Variants in QTGAL observed in about 807,000 individuals in gnomAD.
QTGAL encodes queuosine-tRNA galactosyltransferase, also known as BGnT-like protein 1.
At chr17:82,972,693 A>G in the QTGAL span, among the ~76,000 whole-genome samples, 1 of 124,352 alleles carries the variant, frequency 8.0e-6, no homozygotes. Context: ...TGACCACACC[A>G]CACCACAGGG....
At chr17:82,952,876 A>G in the QTGAL span, among the ~76,000 whole-genome samples, 10 of 152,260 alleles carry the variant, frequency 6.6e-5, no homozygotes, top group African/African-American at 2.2e-4. Flanking sequence ...TCGAATTAGA[A>G]CTCAGGATTA....
chr17:83,032,242 A>AC, the QTGAL span, among the ~76,000 whole-genome samples: 5 of 62,612 alleles, frequency 8.0e-5, 1 homozygote, highest in South Asian at 4.5e-4. Context: ...GAGCTGAACA[A>AC]CGGGTCAGAC....
At chr17:82,988,438 T>C in the QTGAL span, among the ~76,000 whole-genome samples, 6 of 152,314 alleles carry the variant, frequency 3.9e-5, no homozygotes, top group African/African-American at 1.2e-4. Flanking sequence ...ATTCGGGACA[T>C]AGGCATGGGA....
the QTGAL span, chr17:82,942,577 C>T: frequency 6.8e-7 from 1 of 1,477,210 alleles, no homozygotes; most frequent in Non-Finnish European, 9.4e-7. Flanking sequence ...AAGGGTAGCG[C>T]TGGCCCTTGG....
chr17:83,027,462 A>G, the QTGAL span, among the ~76,000 whole-genome samples: 1 of 152,238 alleles, frequency 6.6e-6, no homozygotes, highest in Admixed American at 6.5e-5. Context: ...GCAAAAGTTT[A>G]TTAGGAAAAA....
At chr17:83,035,073 C>T in the QTGAL span, 595 of 1,612,566 alleles carry the variant, frequency 3.7e-4, no homozygotes, top group Non-Finnish European at 4.8e-4. Context: ...GAGCTCTGGG[C>T]AACTGCTTGA....
the QTGAL span, among the ~76,000 whole-genome samples, chr17:83,017,170 C>T: frequency 6.6e-6 from 1 of 151,716 alleles, no homozygotes; most frequent in Non-Finnish European, 1.5e-5. Context: ...AGAAGGATGG[C>T]GCTCAGCAGA....
chr17:83,034,391 A>G, the QTGAL span, among the ~76,000 whole-genome samples: 64,895 of 152,128 alleles, frequency 0.43, 14,370 homozygotes, highest in African/African-American at 0.55. Context: ...CTTACTTACC[A>G]TGATTAACTC....
At chr17:82,942,771 C>G in the QTGAL span, 1 of 476,048 alleles carries the variant, frequency 2.1e-6, no homozygotes, top group Non-Finnish European at 3.7e-6. Flanking sequence ...GCCCAGGGGT[C>G]AGCCAGAGGG....
the QTGAL span, among the ~76,000 whole-genome samples, chr17:82,975,285 C>G: frequency 1.0e-4 from 2 of 19,388 alleles, no homozygotes; most frequent in East Asian, 1.6e-3. Context: ...TTATGGGGAA[C>G]GAGGGCCCCG....
the QTGAL span, chr17:83,034,965 T>C: frequency 3.9e-6 from 5 of 1,297,916 alleles, no homozygotes; most frequent in Admixed American, 8.2e-5. Context: ...CGCACTAAAA[T>C]GTAAGATCAT....
At chr17:82,969,751 C>T in the QTGAL span, among the ~76,000 whole-genome samples, 1 of 152,184 alleles carries the variant, frequency 6.6e-6, no homozygotes, top group Non-Finnish European at 1.5e-5. Context: ...GTGATCACAG[C>T]TCACTGCAGC....
At chr17:83,024,280 C>T in the QTGAL span, among the ~76,000 whole-genome samples, 4 of 145,892 alleles carry the variant, frequency 2.7e-5, no homozygotes, top group East Asian at 5.8e-4. Flanking sequence ...AGCCTCCGCC[C>T]GGGGTCCTCC....
At chr17:82,979,547 G>T in the QTGAL span, 1 of 152,174 alleles carries the variant, frequency 6.6e-6, no homozygotes, top group Non-Finnish European at 1.5e-5. Flanking sequence ...AAATACTTAG[G>T]TATAAATCTA....
At chr17:82,996,457 G>A in the QTGAL span, among the ~76,000 whole-genome samples, 2 of 151,572 alleles carry the variant, frequency 1.3e-5, no homozygotes, top group African/African-American at 4.9e-5. Context: ...TGGAGGCAGA[G>A]GTTGCAGTGA....
At chr17:83,000,445 A>G in the QTGAL span, among the ~76,000 whole-genome samples, 1 of 152,158 alleles carries the variant, frequency 6.6e-6, no homozygotes, top group Non-Finnish European at 1.5e-5. Context: ...TGCAGTTGTG[A>G]TTCATTTCTG....
At chr17:82,944,398 A>G in the QTGAL span, 1 of 152,172 alleles carries the variant, frequency 6.6e-6, no homozygotes, top group Non-Finnish European at 1.5e-5. Context: ...TTGGCAAGGA[A>G]CCCCTTGCTC....
chr17:83,045,005 T>C, the QTGAL span, among the ~76,000 whole-genome samples: 3 of 151,312 alleles, frequency 2.0e-5, no homozygotes, highest in Non-Finnish European at 4.4e-5. Flanking sequence ...TCTCTACTCA[T>C]AGATAATATG....
the QTGAL span, among the ~76,000 whole-genome samples, chr17:82,954,872 G>C: frequency 2.0e-5 from 3 of 152,140 alleles, no homozygotes; most frequent in Non-Finnish European, 4.4e-5. Flanking sequence ...ACAAAAACAA[G>C]CAATGGGGAA....
Sources: allele counts gnomAD v4.1 joint callset (sites outside exome capture counted in the v4.1 genomes callset), GRCh38; gene constraint gnomAD v4.1.1; transcripts MANE v1.5; gene names NCBI Gene and HGNC (gene_info 2026-07-23, HGNC 2026-07-21).